The following HMGCS2 variants were observed in gnomAD, a reference collection of about 807,000 sequenced individuals.
HMGCS2 encodes hydroxymethylglutaryl-CoA synthase, mitochondrial.
HMGCS2 carries 50 observed loss-of-function variants against 57.4 expected under a neutral mutation model. The observed-to-expected ratio is 0.87, with a 90% CI of 0.69 to 1.10. HMGCS2 has a LOEUF of 1.10. HMGCS2 is among the 50% of genes least tolerant of loss of function. The pLI, the probability that HMGCS2 is intolerant of heterozygous loss-of-function variation, is 0.00. For missense variants in HMGCS2, 627 were observed against 636.5 expected, an observed-to-expected ratio of 0.99 and a Z score of 0.16; for synonymous variants, 254 against 245.1, an observed-to-expected ratio of 1.04 and a Z score of -0.34.
In HMGCS2 at chr1:119,768,856, C is replaced by T; in HGVS notation, c.-12G>A. 1 of 1,597,862 alleles carries T rather than the reference C, an allele frequency of 6.3e-7. No individual in the cohort carries two copies. The stretch of plus-strand genomic sequence containing the variant: ...AACAGACGCTGCATCTCCAGAGGAG[C>T]AAGCAGAAACCCAGCAGTTCAGAAA... On this transcript the variant is annotated 5_prime_UTR_variant, in exon 1 of 10. Transcript: ENST00000369406.
At chr1:119,766,676 C>T (rs1653243582) in intron 1 of HMGCS2, among the ~76,000 whole-genome samples, 2 of 152,218 alleles carry the variant, frequency 1.3e-5, no homozygotes, top group Admixed American at 1.3e-4. Flanking sequence ...TAAGCCAGCG[C>T]TTGTCCTGCC....
intron 1 of HMGCS2, among the ~76,000 whole-genome samples, chr1:119,767,196 T>C (rs1185071158): frequency 6.6e-6 from 1 of 152,184 alleles, no homozygotes; most frequent in African/African-American, 2.4e-5. Flanking sequence ...AGCACACATA[T>C]AACCCAACTT....
At chr1:119,765,783 T>C (rs587684681) in intron 1 of HMGCS2, among the ~76,000 whole-genome samples, 3 of 152,306 alleles carry the variant, frequency 2.0e-5, no homozygotes, top group East Asian at 1.9e-4. Context: ...CACAAGAACA[T>C]ACCCACTGTT....
chr1:119,765,855 T>C (rs1653209798), intron 1 of HMGCS2, among the ~76,000 whole-genome samples: 1 of 152,226 alleles, frequency 6.6e-6, no homozygotes, highest in Non-Finnish European at 1.5e-5. Context: ...CCAATGTTTA[T>C]TGAGCACACC....
At position 119,750,883 on chromosome 1, in the gene HMGCS2, T is replaced by C. The variant is rs1473777473; in HGVS notation, c.1446A>G (p.Thr482=). 1 of 1,613,200 alleles carries C rather than the reference T, an allele frequency of 6.2e-7. No homozygotes were observed. The highest frequency in any genetic ancestry group is 8.5e-7 in the Non-Finnish European group (1 of 1,179,288). The change falls in exon 9 of 10, where the codon ACA becomes ACG. Residue 482 remains threonine, a synonymous_variant. Coordinates refer to ENST00000369406, the MANE Select transcript of HMGCS2 (RefSeq NM_005518.4). ...HKVNFSPPGD[T]NSLFPGTWYL... The stretch of plus-strand genomic sequence containing the variant: ...ACCAAGTACCTGGGAAAAGGCTGTT[T>C]GTGTCACCAGGTGGGGAGAAATTCA...
chr1:119,767,871 T>C (rs1301481596), intron 1 of HMGCS2, among the ~76,000 whole-genome samples: 1 of 152,172 alleles, frequency 6.6e-6, no homozygotes, highest in Non-Finnish European at 1.5e-5. Flanking sequence ...TGGCAGTGCA[T>C]GGGGAGAGTG....
intron 9 of HMGCS2, among the ~76,000 whole-genome samples, chr1:119,750,221 T>C (rs1028242217): frequency 3.1e-4 from 48 of 152,382 alleles, no homozygotes; most frequent in African/African-American, 1.1e-3. Context: ...TGAATCTGTC[T>C]CCCACACATT....
intron 5 of HMGCS2, 105 bp from the exon 6 acceptor site, chr1:119,755,702 T>C: frequency 9.9e-7 from 1 of 1,005,888 alleles, no homozygotes; most frequent in Non-Finnish European, 1.6e-6. Flanking sequence ...GCGCATGTTT[T>C]TCCTACAATA....
At chr1:119,750,534 A>G (rs1256131928) in intron 9 of HMGCS2, among the ~76,000 whole-genome samples, 1 of 152,176 alleles carries the variant, frequency 6.6e-6, no homozygotes, top group Non-Finnish European at 1.5e-5. Flanking sequence ...TCTTTATGGT[A>G]CAAATCCCCA....
chr1:119,755,379 G>A, intron 6 of HMGCS2, 48 bp downstream of exon 6: 1 of 1,577,114 alleles, frequency 6.3e-7, no homozygotes, highest in African/African-American at 1.3e-5. Flanking sequence ...CACGGGGGCG[G>A]AGGCTGAGGG....
chr1:119,758,055 T>G (rs1652908493), intron 4 of HMGCS2, among the ~76,000 whole-genome samples: 1 of 152,216 alleles, frequency 6.6e-6, no homozygotes, highest in East Asian at 1.9e-4. Flanking sequence ...CTCTGGCAGG[T>G]GGTGTCCCAC....
intron 2 of HMGCS2, among the ~76,000 whole-genome samples, chr1:119,762,080 T>C (rs1450702875): frequency 6.6e-6 from 1 of 152,206 alleles, no homozygotes; most frequent in African/African-American, 2.4e-5. Flanking sequence ...TTGTACAATG[T>C]TCATTAAAAC....
chr1:119,757,500 C>T (rs587696341), intron 4 of HMGCS2, 62 bp from the exon 5 acceptor site: 7 of 1,612,018 alleles, frequency 4.3e-6, no homozygotes, highest in South Asian at 3.3e-5. Context: ...AGATATCCTC[C>T]CTGAGATTTA....
At chr1:119,759,323 A>C in intron 3 of HMGCS2, 41 bp from the exon 4 acceptor site, 1 of 1,594,478 alleles carries the variant, frequency 6.3e-7, no homozygotes, top group South Asian at 1.1e-5. Context: ...TACACAATGC[A>C]GCCTACCTTG....
At chr1:119,768,925 G>A (rs1377517627), upstream of HMGCS2, 3 of 999,396 alleles carry the variant, frequency 3.0e-6, no homozygotes, top group Non-Finnish European at 4.7e-6. Flanking sequence ...TGCCCGGCAG[G>A]ACTTTATAAA....
chr1:119,759,928 G>A lies in HMGCS2; in HGVS notation c.621C>T (p.Pro207=), dbSNP rs886045207. The change falls in exon 3 of 10, where the codon CCC becomes CCT. Residue 207 remains proline (P), a synonymous_variant. Transcript: ENST00000369406. ...TAGCCACAGCTCCGGCCCCACCTGT[G>A]GGACGAGCATTACCACTGGGATAGA... The part of the protein sequence containing the change: ...IAVYPSGNAR[P]TGGAGAVAML... 6.2e-7 allele frequency: 1 copy of A among 1,614,120 alleles called. No homozygotes were observed. The highest frequency in any genetic ancestry group is 8.5e-7 in the Non-Finnish European group (1 of 1,179,986).
At chr1:119,761,658 G>A (rs1036682574) in intron 2 of HMGCS2, among the ~76,000 whole-genome samples, 3 of 151,912 alleles carry the variant, frequency 2.0e-5, no homozygotes, top group Non-Finnish European at 4.4e-5. Context: ...CCAGCTACTC[G>A]GGAGGCTGAG....
At chr1:119,759,356 T>C (rs891563248) in intron 3 of HMGCS2, 74 bp from the exon 4 acceptor site, 28 of 1,453,110 alleles carry the variant, frequency 1.9e-5, no homozygotes, top group Non-Finnish European at 2.5e-5. Flanking sequence ...GAGAGAACCA[T>C]ATAAAGGAGG....
intron 9 of HMGCS2, among the ~76,000 whole-genome samples, chr1:119,749,555 C>T (rs902393162): frequency 6.6e-6 from 1 of 152,150 alleles, no homozygotes; most frequent in Non-Finnish European, 1.5e-5. Context: ...TAACTGAGCT[C>T]GTCCTCTCAA....
Sources: allele counts gnomAD v4.1 joint callset (sites outside exome capture counted in the v4.1 genomes callset), GRCh38; gene constraint gnomAD v4.1.1; transcripts MANE v1.5; gene names NCBI Gene and HGNC (gene_info 2026-07-23, HGNC 2026-07-21).